Variants in TENM3 observed in about 807,000 individuals in gnomAD.
TENM3 encodes teneurin transmembrane protein 3.
Under a neutral mutation model 255.1 loss-of-function variants are expected in TENM3, and 63 were observed. That is an observed-to-expected ratio of 0.25 (90% confidence interval 0.20 to 0.30). TENM3 has a LOEUF of 0.30. Among genes scored for constraint, TENM3 ranks in the 10% least tolerant of loss-of-function variants. The pLI is 1.00. For missense variants in TENM3, 2,929 were observed against 3,461.1 expected (o/e 0.85, Z 3.86); for synonymous variants, 1,306 against 1,322.3 (o/e 0.99, Z 0.27).
chr4:182,561,440 GTA>G (rs1743167126), intron 3 of TENM3, among the ~76,000 whole-genome samples: 1 of 150,982 alleles, frequency 6.6e-6, no homozygotes, highest in Non-Finnish European at 1.5e-5. Context: ...GATGATATTT[GTA>G]TATTAAAAAA....
At chr4:182,757,241 G>A (rs1277444506) in intron 22 of TENM3, among the ~76,000 whole-genome samples, 1 of 150,560 alleles carries the variant, frequency 6.6e-6, no homozygotes, top group Non-Finnish European at 1.5e-5. Flanking sequence ...GAACCCGGGA[G>A]GTGGAGGTTG....
the TENM3 span, among the ~76,000 whole-genome samples, chr4:181,455,186 G>T: frequency 6.6e-6 from 1 of 152,108 alleles, no homozygotes; most frequent in Admixed American, 6.6e-5. Context: ...TCTTCTAAAA[G>T]TACTAGGTAT....
intron 3 of TENM3, among the ~76,000 whole-genome samples, chr4:182,549,164 G>A (rs1431008368): frequency 6.6e-6 from 1 of 152,174 alleles, no homozygotes; most frequent in Non-Finnish European, 1.5e-5. Flanking sequence ...TATTATTCTG[G>A]GATGTGTGCA....
the TENM3 span, among the ~76,000 whole-genome samples, chr4:181,726,373 A>G: frequency 2.0e-5 from 3 of 152,086 alleles, no homozygotes; most frequent in South Asian, 4.1e-4. Flanking sequence ...GGTATTTTGC[A>G]TGCAATTTCA....
the TENM3 span, among the ~76,000 whole-genome samples, chr4:181,568,131 G>T: frequency 1.3e-5 from 2 of 151,682 alleles, no homozygotes; most frequent in African/African-American, 4.8e-5. Context: ...CCATAGGAAG[G>T]GTTGTGGGTA....
chr4:181,979,405 A>G, the TENM3 span, among the ~76,000 whole-genome samples: 5 of 151,846 alleles, frequency 3.3e-5, no homozygotes, highest in Admixed American at 1.3e-4. Context: ...CATCAAGGCA[A>G]TTATTGATTG....
intron 6 of TENM3, among the ~76,000 whole-genome samples, chr4:182,654,309 A>G (rs931860288): frequency 1.1e-4 from 16 of 152,222 alleles, no homozygotes; most frequent in Admixed American, 7.2e-4. Context: ...AGCACATTAA[A>G]GGATTATAGT....
intron 19 of TENM3, among the ~76,000 whole-genome samples, chr4:182,745,585 A>ACG (rs879517344): frequency 6.6e-6 from 1 of 152,168 alleles, no homozygotes; most frequent in African/African-American, 2.4e-5. Context: ...GTTATAAGTG[A>ACG]CGTAGTAGAG....
At chr4:182,688,388 C>G (rs1756755816) in intron 12 of TENM3, 37 bp downstream of exon 12, 1 of 1,449,958 alleles carries the variant, frequency 6.9e-7, no homozygotes, top group Non-Finnish European at 9.2e-7. Context: ...TCCCCTTCCT[C>G]CCAGAGAAGA....
chr4:182,126,391 T>G, the TENM3 span, among the ~76,000 whole-genome samples: 334 of 152,314 alleles, frequency 2.2e-3, no homozygotes, highest in Non-Finnish European at 2.5e-3. Context: ...CATCAGAGTC[T>G]ATTTCCACAA....
intron 3 of TENM3, among the ~76,000 whole-genome samples, chr4:182,388,048 A>G (rs953336743): frequency 1.3e-5 from 2 of 152,048 alleles, no homozygotes; most frequent in African/African-American, 4.8e-5. Context: ...GCATGCCCCA[A>G]TGGAGACTCG....
the TENM3 span, among the ~76,000 whole-genome samples, chr4:181,527,830 G>A: frequency 6.7e-6 from 1 of 149,284 alleles, no homozygotes; most frequent in Non-Finnish European, 1.5e-5. Flanking sequence ...TGTAATATAT[G>A]TACACACATT....
chr4:182,739,550 A>G (rs1427091809), intron 18 of TENM3, among the ~76,000 whole-genome samples: 2 of 152,212 alleles, frequency 1.3e-5, no homozygotes, highest in Admixed American at 1.3e-4. Flanking sequence ...GGTTTTTGGA[A>G]GGTTCAGAAT....
At chr4:181,748,771 A>G in the TENM3 span, among the ~76,000 whole-genome samples, 3 of 152,130 alleles carry the variant, frequency 2.0e-5, no homozygotes, top group African/African-American at 7.2e-5. Context: ...GCAATAAGAC[A>G]TGACAGGGTG....
chr4:181,627,805 A>G, the TENM3 span, among the ~76,000 whole-genome samples: 1 of 152,210 alleles, frequency 6.6e-6, no homozygotes, highest in Admixed American at 6.5e-5. Flanking sequence ...TTAAGTGTGC[A>G]TGTGCCATTA....
the TENM3 span, among the ~76,000 whole-genome samples, chr4:181,992,783 C>T: frequency 6.6e-6 from 1 of 152,152 alleles, no homozygotes; most frequent in East Asian, 1.9e-4. Context: ...CACTTTATCA[C>T]ACAAAAATAA....
the TENM3 span, among the ~76,000 whole-genome samples, chr4:182,057,119 C>T: frequency 6.6e-6 from 1 of 151,642 alleles, no homozygotes; most frequent in Non-Finnish European, 1.5e-5. Flanking sequence ...AGATGCTCAA[C>T]ACTTCATCTT....
In TENM3 at chr4:182,431,273, A is replaced by G. The variant is rs1005740122; in HGVS notation, c.511+84344A>G. Among the ~76,000 whole-genome samples, 6 of 151,920 alleles carry G rather than the reference A, an allele frequency of 3.9e-5. No individual in the cohort carries two copies. The East Asian group carries it at 1.2e-3, about 30-fold the overall frequency. ...CACTTTGGGAGACCGAGACAGGCGGATTATGAGGTCAAGAGTTCGAGACCA... is the reference window on the plus strand; with the variant it reads ...CACTTTGGGAGACCGAGACAGGCGGGTTATGAGGTCAAGAGTTCGAGACCA... On this transcript the variant is annotated intron_variant, in intron 3 of 27. Transcript: ENST00000511685.
chr4:182,320,325 T>A (rs1762976479), intron 1 of TENM3, among the ~76,000 whole-genome samples: 1 of 152,178 alleles, frequency 6.6e-6, no homozygotes, highest in East Asian at 1.9e-4. Flanking sequence ...AGGTAAAAAG[T>A]GTGAGGTCAA....
Sources: gnomAD v4.1 joint callset for allele counts (sites outside exome capture counted in the v4.1 genomes callset) on GRCh38, gnomAD v4.1.1 for gene constraint, MANE v1.5 for transcripts, NCBI Gene and HGNC (gene_info 2026-07-23, HGNC 2026-07-21) for gene names.